The following PTPN1 variants were observed in gnomAD, a reference collection of about 807,000 sequenced individuals.
PTPN1 encodes the protein tyrosine-protein phosphatase non-receptor type 1.
A neutral mutation model predicts 59.9 loss-of-function variants in PTPN1; 12 were observed. The observed-to-expected ratio is 0.20, with a 90% CI of 0.13 to 0.32. PTPN1 has a LOEUF of 0.32. Among genes scored for constraint, PTPN1 ranks in the 10% least tolerant of loss-of-function variants. PTPN1 has a pLI of 1.00. For synonymous variants in PTPN1, 178 were observed against 203.6 expected, an observed-to-expected ratio of 0.87 and a Z score of 1.07; for missense variants, 356 against 549.2, an observed-to-expected ratio of 0.65 and a Z score of 3.52.
In PTPN1 at chr20:50,583,717, G is replaced by C. The variant is rs1014551625; in HGVS notation, c.*1002G>C. ...TAGGCATTTGCCTAATTCCTGGCAT[G>C]ACACTCTAGTGACTTCCTGGTGAGG... On this transcript the variant is annotated 3_prime_UTR_variant, in exon 10 of 10. Coordinates refer to ENST00000371621, the MANE Select transcript of PTPN1 (RefSeq NM_002827.4). 6.6e-6 allele frequency: 1 copy of C among 152,664 alleles called. No homozygotes were observed. Among genetic ancestry groups the C allele is most frequent in the African/African-American group, 2.4e-5 (1 of 41,454 alleles). The allele number at this position is 152,664 out of a possible 1,614,324, so 9.5% of individuals were successfully genotyped here.
At chr20:50,532,644 G>A (rs905026666) in intron 1 of PTPN1, among the ~76,000 whole-genome samples, 1 of 152,092 alleles carries the variant, frequency 6.6e-6, no homozygotes, top group African/African-American at 2.4e-5. Context: ...TGATTTGTAT[G>A]TATGGTATTT....
intron 1 of PTPN1, among the ~76,000 whole-genome samples, chr20:50,521,141 G>A (rs754387001): frequency 2.6e-5 from 4 of 152,106 alleles, no homozygotes; most frequent in African/African-American, 4.8e-5. Flanking sequence ...AATGCCCTGT[G>A]GGGGCATAAG....
chr20:50,541,592 G>C (rs959909270), intron 1 of PTPN1, among the ~76,000 whole-genome samples: 9 of 152,152 alleles, frequency 5.9e-5, no homozygotes. Flanking sequence ...CCCGGTCGCA[G>C]GTCATCGTAG....
chr20:50,562,947 A>G (rs2122779555), intron 2 of PTPN1: 1 of 152,118 alleles, frequency 6.6e-6, no homozygotes, highest in East Asian at 1.9e-4. Context: ...TTTCTTATCT[A>G]AATGGTTTTA....
intron 2 of PTPN1, among the ~76,000 whole-genome samples, chr20:50,562,412 G>A (rs1381389139): frequency 1.3e-5 from 2 of 152,326 alleles, no homozygotes; most frequent in East Asian, 1.9e-4. Context: ...TAGACTTGGT[G>A]TAGAACGTGT....
intron 1 of PTPN1, among the ~76,000 whole-genome samples, chr20:50,544,717 G>A (rs1254869982): frequency 2.6e-5 from 4 of 152,146 alleles, no homozygotes; most frequent in Admixed American, 2.6e-4. Flanking sequence ...TCACATTGCC[G>A]TACCTGAGAA....
intron 1 of PTPN1, among the ~76,000 whole-genome samples, chr20:50,516,030 G>C: frequency 6.6e-6 from 1 of 152,146 alleles, no homozygotes; most frequent in East Asian, 1.9e-4. Flanking sequence ...CTTGGCCTAC[G>C]GTGAACTTTA....
At chr20:50,540,233 T>C (rs1248622738) in intron 1 of PTPN1, among the ~76,000 whole-genome samples, 1 of 152,116 alleles carries the variant, frequency 6.6e-6, no homozygotes, top group South Asian at 2.1e-4. Flanking sequence ...TTTTTTGTAT[T>C]TTTAGTAGAG....
chr20:50,528,713 TA>T lies in PTPN1; in HGVS notation c.63+18135del, dbSNP rs1262927497. On this transcript the variant is annotated intron_variant, in intron 1 of 9. Transcript: ENST00000371621. ...TGGGTGACAGAGTGAGACTCCATCT[TA>T]AAAAAAAAAAAGACTCCATCTTAAA... is the stretch of plus-strand genomic sequence containing the variant. Among the ~76,000 whole-genome samples the T allele has an allele frequency of 2.1e-3, 210 of 100,194 alleles. 1 individual carries two copies. In the South Asian group the frequency reaches 0.023, roughly 11 times the overall value. The allele number at this position is 100,194 out of a possible 152,430, so 65.7% of individuals were successfully genotyped here. A position where few individuals can be genotyped will look rare whatever the true frequency, so the allele number is the denominator to read the frequency against.
At chr20:50,557,537 T>G (rs1160715467) in intron 1 of PTPN1, 1 of 152,262 alleles carries the variant, frequency 6.6e-6, no homozygotes, top group Non-Finnish European at 1.5e-5. Flanking sequence ...ACCTTTTGGT[T>G]AAATCAGTAC....
chr20:50,563,887 A>G (rs2082765677), intron 2 of PTPN1, among the ~76,000 whole-genome samples: 1 of 152,200 alleles, frequency 6.6e-6, no homozygotes, highest in Non-Finnish European at 1.5e-5. Flanking sequence ...AGAAAAAAAA[A>G]GTGGCTTTTT....
chr20:50,544,965 C>T (rs1246947004), intron 1 of PTPN1, among the ~76,000 whole-genome samples: 2 of 152,070 alleles, frequency 1.3e-5, no homozygotes, highest in African/African-American at 2.4e-5. Context: ...TAAATTGCAC[C>T]ACTGCACTCC....
intron 1 of PTPN1, among the ~76,000 whole-genome samples, chr20:50,512,923 A>G (rs1420831738): frequency 1.3e-5 from 2 of 152,278 alleles, no homozygotes; most frequent in Admixed American, 1.3e-4. Flanking sequence ...AGCCTTATAC[A>G]AAGTCATACT....
At chr20:50,574,352 C>G in intron 4 of PTPN1, 165 bp from the exon 5 acceptor site, 2 of 667,936 alleles carry the variant, frequency 3.0e-6, no homozygotes, top group Admixed American at 8.3e-5. Context: ...GTGCCCCCAC[C>G]CCCATCTCCC....
intron 1 of PTPN1, among the ~76,000 whole-genome samples, chr20:50,518,257 G>A (rs1357189092): frequency 2.0e-5 from 3 of 152,190 alleles, no homozygotes; most frequent in Non-Finnish European, 2.9e-5. Context: ...TTACAGGAAA[G>A]TGAACATCAA....
At chr20:50,550,072 C>G (rs180862596) in intron 1 of PTPN1, among the ~76,000 whole-genome samples, 2 of 151,814 alleles carry the variant, frequency 1.3e-5, no homozygotes, top group African/African-American at 2.4e-5. Context: ...ACCCCACCCC[C>G]CCTTCTATAT....
chr20:50,516,734 C>G (rs139727351), intron 1 of PTPN1, among the ~76,000 whole-genome samples: 2 of 152,234 alleles, frequency 1.3e-5, no homozygotes, highest in African/African-American at 4.8e-5. Context: ...TGCAGTTTTT[C>G]TCTCAAGTAG....
intron 1 of PTPN1, among the ~76,000 whole-genome samples, chr20:50,519,841 T>G (rs1194141206): frequency 6.6e-6 from 1 of 152,150 alleles, no homozygotes; most frequent in African/African-American, 2.4e-5. Context: ...TAAAGTTTGA[T>G]TTTTGTAGGT....
chr20:50,539,138 C>T (rs140468339), intron 1 of PTPN1, among the ~76,000 whole-genome samples: 25 of 149,310 alleles, frequency 1.7e-4, no homozygotes, highest in South Asian at 6.3e-4. Flanking sequence ...TGGGTTTAAG[C>T]GACTCTCCTG....
Sources: gnomAD v4.1 joint callset for allele counts (sites outside exome capture counted in the v4.1 genomes callset) on GRCh38, gnomAD v4.1.1 for gene constraint, MANE v1.5 for transcripts, NCBI Gene and HGNC (gene_info 2026-07-23, HGNC 2026-07-21) for gene names.